The following NT5C2 variants were observed in gnomAD, a reference collection of about 807,000 sequenced individuals.
NT5C2 encodes 5'-nucleotidase, cytosolic II.
A neutral mutation model predicts 76.1 loss-of-function variants in NT5C2; 58 were observed. The observed-to-expected ratio is 0.76, with a 90% CI of 0.62 to 0.95. NT5C2 has a LOEUF of 0.95. Ranked by LOEUF, NT5C2 falls within the 40% of genes least tolerant of loss-of-function variation. The pLI, the probability that NT5C2 is intolerant of heterozygous loss-of-function variation, is 0.00. For synonymous variants in NT5C2, 229 were observed against 237.4 expected (o/e 0.96, Z 0.32); for missense variants, 478 against 690.3 (o/e 0.69, Z 3.45).
intron 1 of NT5C2, among the ~76,000 whole-genome samples, chr10:103,184,590 A>G (rs1266034509): frequency 2.0e-5 from 3 of 152,240 alleles, no homozygotes; most frequent in Non-Finnish European, 2.9e-5. Context: ...CTTAACAGAC[A>G]GAAATAAATG....
intron 2 of NT5C2, 117 bp from the exon 3 acceptor site, chr10:103,175,099 T>C (rs183022060): frequency 1.7e-6 from 1 of 592,648 alleles, no homozygotes; most frequent in Non-Finnish European, 3.0e-6. Context: ...AATTACCTAT[T>C]AAAACACACT....
rs560296922 is a variant in NT5C2, at chr10:103,092,337, C to A, written c.1160-722G>T. ...AATTTTCTGTGTTTCGGATATGGAGCCTTGGTTGAGAAAGGCTGTCATGTC... is the reference window on the plus strand; with the variant it reads ...AATTTTCTGTGTTTCGGATATGGAGACTTGGTTGAGAAAGGCTGTCATGTC... On this transcript the variant is annotated intron_variant, in intron 15 of 18. Transcript: ENST00000404739. Among the ~76,000 whole-genome samples the A allele has an allele frequency of 7.8e-4, 115 of 148,376 alleles. No individual in the cohort carries two copies. In the South Asian group the frequency reaches 0.025, roughly 33 times the overall value.
chr10:103,183,508 C>CT (rs541606520), intron 1 of NT5C2, among the ~76,000 whole-genome samples: 3,693 of 118,068 alleles, frequency 0.031, 94 homozygotes, highest in East Asian at 0.059. Flanking sequence ...TAAACAAATG[C>CT]TTTTTTTTTT....
chr10:103,105,202 A>C (rs2070901302), intron 6 of NT5C2, among the ~76,000 whole-genome samples: 1 of 152,146 alleles, frequency 6.6e-6, no homozygotes, highest in South Asian at 2.1e-4. Flanking sequence ...TATTCACTTT[A>C]ACCTTATGTT....
Position 103,101,218 on chromosome 10 carries a change from G to T in NT5C2, c.481+17C>A. 1 of 1,504,324 alleles carries T rather than the reference G, an allele frequency of 6.6e-7. No homozygotes were observed. The highest frequency in any genetic ancestry group is 9.3e-7 in the Non-Finnish European group (1 of 1,080,694). The allele number at this position is 1,504,324 out of a possible 1,614,324, so 93.2% of individuals were successfully genotyped here. A position where few individuals can be genotyped will look rare whatever the true frequency, so the allele number is the denominator to read the frequency against. ...GAAGGGAAAGCATCAGTATAAATAA[G>T]CATAGAATGAATCTACCTGGTAGGT... is the stretch of plus-strand genomic sequence containing the variant. On this transcript the variant is annotated intron_variant, in intron 7 of 18. Transcript: ENST00000404739.
rs746549118 is a variant in NT5C2, at chr10:103,094,002, G to C, written c.958C>G (p.Pro320Ala). 3 of 1,613,670 alleles carry C rather than the reference G, an allele frequency of 1.9e-6. No individual in the cohort carries two copies. In the Admixed American group the frequency reaches 5.0e-5, roughly 27 times the overall value. ...GAGTAGACGATACCATGCTGTAGGG[G>C]CCCTGTGTAGGTACCAATTTTCAGC... ...GKLKIGTYTG[P>A]LQHGIVYSGG... The change falls in exon 14 of 19, where the codon CCC (proline) becomes GCC (alanine). Residue 320 changes from proline to alanine, a missense_variant. Transcript: ENST00000404739.
At chr10:103,160,604 C>T (rs2084601375) in intron 3 of NT5C2, among the ~76,000 whole-genome samples, 1 of 152,134 alleles carries the variant, frequency 6.6e-6, no homozygotes, top group Non-Finnish European at 1.5e-5. Flanking sequence ...ACAGACACTT[C>T]ACAAAAGATA....
Position 103,150,055 on chromosome 10 carries a change from C to T in NT5C2, c.102-10576G>A, listed in dbSNP as rs554349011. Among the ~76,000 whole-genome samples the T allele has an allele frequency of 2.0e-5, 3 of 152,212 alleles. No individual in the cohort carries two copies. The East Asian group carries it at 5.8e-4, about 29-fold the overall frequency. ...AGGAGCTTCTCAAGTCTCATTCCTC[C>T]ACCAACTTTACTAAGGTATCATTTA... On this transcript the variant is annotated intron_variant, in intron 3 of 18. Transcript: ENST00000404739.
At chr10:103,183,248 ATATG>A (rs1263000173) in intron 1 of NT5C2, among the ~76,000 whole-genome samples, 4 of 107,416 alleles carry the variant, frequency 3.7e-5, no homozygotes, top group South Asian at 3.0e-4. Flanking sequence ...AGATATATAT[ATATG>A]TGTGTGTGTG....
chr10:103,089,548 T>C lies in NT5C2; in HGVS notation c.*124A>G. 9.9e-6 allele frequency: 14 copies of C among 1,418,232 alleles called. No homozygotes were observed. Among genetic ancestry groups the C allele is most frequent in the Non-Finnish European group, 1.3e-5 (14 of 1,082,764 alleles). 87.9% of individuals were successfully genotyped at this position (1,418,232 alleles called of 1,614,324 possible). A position where few individuals can be genotyped will look rare whatever the true frequency, so the allele number is the denominator to read the frequency against. ...ATGATAATAAAATCTTCAGAAACTT[T>C]TCAGACGTACCTTTCATGGAGCCCC... On this transcript the variant is annotated 3_prime_UTR_variant, in exon 19 of 19. Transcript: ENST00000404739.
rs1240242835 is a variant in NT5C2 at position 103,191,500 on chromosome 10, T to C, written c.-169+1736A>G. Among the ~76,000 whole-genome samples, 3 of 152,118 alleles carry C rather than the reference T, an allele frequency of 2.0e-5. No individual in the cohort carries two copies. In the East Asian group the frequency reaches 5.8e-4, roughly 29 times the overall value. ...GCCTAGAGAAAGATTAATGAGCACC[T>C]CTGTGCCTAACATTCTATTGTAATC... On this transcript the variant is annotated intron_variant, in intron 1 of 18. Coordinates refer to ENST00000404739, the MANE Select transcript of NT5C2 (RefSeq NM_001351169.2).
In NT5C2 at chr10:103,099,696, C is replaced by G. The variant is rs1046128100; in HGVS notation, c.633+230G>C. 3.8e-4 allele frequency among the ~76,000 whole-genome samples: 57 copies of G among 151,888 alleles called. 1 individual carries two copies. Among genetic ancestry groups the G allele is most frequent in the African/African-American group, 1.3e-3 (55 of 41,408 alleles). On this transcript the variant is annotated intron_variant, in intron 9 of 18. Transcript: ENST00000404739. ...AAACCTCTTCTAAGTTTGAGAAATG[C>G]AAACTAAAATAAAATCCAGAAGCCA...
At chr10:103,108,566 G>C (rs905009742) in intron 4 of NT5C2, among the ~76,000 whole-genome samples, 7 of 152,192 alleles carry the variant, frequency 4.6e-5, no homozygotes, top group African/African-American at 1.7e-4. Flanking sequence ...AAGGAACTGA[G>C]TGGCCTTTAA....
chr10:103,170,589 C>T (rs1333082213), intron 3 of NT5C2, among the ~76,000 whole-genome samples: 1 of 142,660 alleles, frequency 7.0e-6, no homozygotes, highest in Non-Finnish European at 1.5e-5. Context: ...GTGGCATGAT[C>T]TCAGCTCACT....
intron 1 of NT5C2, among the ~76,000 whole-genome samples, chr10:103,190,157 C>T (rs1023340830): frequency 3.3e-5 from 5 of 149,810 alleles, no homozygotes; most frequent in African/African-American, 4.9e-5. Context: ...TGCGCTACCA[C>T]GCCTGATTAA....
chr10:103,116,019 G>A (rs1274739772), intron 4 of NT5C2, among the ~76,000 whole-genome samples: 1 of 152,058 alleles, frequency 6.6e-6, no homozygotes, highest in Non-Finnish European at 1.5e-5. Flanking sequence ...GGAAGGTAGT[G>A]TAAGAAATTC....
intron 1 of NT5C2, among the ~76,000 whole-genome samples, chr10:103,182,045 T>A (rs976370506): frequency 9.9e-5 from 15 of 151,974 alleles, no homozygotes; most frequent in African/African-American, 3.6e-4. Context: ...AGTCAGCACT[T>A]CTTTTCATGA....
intron 2 of NT5C2, among the ~76,000 whole-genome samples, chr10:103,180,359 C>T (rs912501832): frequency 3.9e-5 from 6 of 152,176 alleles, no homozygotes; most frequent in Non-Finnish European, 7.3e-5. Flanking sequence ...AAAACTTAAA[C>T]ATATATCTAT....
In NT5C2 at chr10:103,181,314, C is replaced by A. The variant is rs2091026310; in HGVS notation, c.-154G>T. On this transcript the variant is annotated 5_prime_UTR_variant, in exon 2 of 19. Coordinates refer to ENST00000404739, the MANE Select transcript of NT5C2 (RefSeq NM_001351169.2). Reference sequence around the variant, plus strand: ...TCACATCACTGTACTCCAGCCTGGGCAGCAGAGCGAAACTCTGTCTCAAAA... The same window carrying A: ...TCACATCACTGTACTCCAGCCTGGGAAGCAGAGCGAAACTCTGTCTCAAAA... 6.7e-6 allele frequency: 1 copy of A among 148,192 alleles called. No individual in the cohort carries two copies. Among genetic ancestry groups the A allele is most frequent in the Middle Eastern group, 3.2e-3 (1 of 312 alleles). The allele number at this position is 148,192 out of a possible 1,614,324, so 9.2% of individuals were successfully genotyped here.
Sources: gnomAD v4.1 joint callset for allele counts (sites outside exome capture counted in the v4.1 genomes callset) on GRCh38, gnomAD v4.1.1 for gene constraint, MANE v1.5 for transcripts, NCBI Gene and HGNC (gene_info 2026-07-23, HGNC 2026-07-21) for gene names.